ADCY9: variants seen among roughly 807,000 people sequenced by gnomAD.
ADCY9 encodes adenylate cyclase type 9.
Under a neutral mutation model 101.5 loss-of-function variants are expected in ADCY9, and 50 were observed. That is an observed-to-expected ratio of 0.49 (90% CI 0.39 to 0.62). The LOEUF (loss-of-function observed/expected upper bound fraction) is 0.62. Among genes scored for constraint, ADCY9 ranks in the 20% least tolerant of loss-of-function variants. The probability of loss-of-function intolerance (pLI) is 0.00; values close to 1 mark genes in which losing one functional copy is unlikely to be tolerated. For synonymous variants in ADCY9, 905 were observed against 769.3 expected (o/e 1.18, Z -2.92); for missense variants, 1,662 against 1,800.4 (o/e 0.92, Z 1.39).
intron 10 of ADCY9, among the ~76,000 whole-genome samples, chr16:3,969,595 TATATATATATATATGTA>T (rs1567414834): frequency 1.0e-5 from 1 of 95,902 alleles, no homozygotes; most frequent in African/African-American, 4.6e-5. Context: ...TATATATATA[TATATATATATATATGTA>T]TTTTTTTTTT....
At chr16:3,984,674 C>A (rs2056175336) in intron 6 of ADCY9, among the ~76,000 whole-genome samples, 1 of 152,200 alleles carries the variant, frequency 6.6e-6, no homozygotes, top group Admixed American at 6.5e-5. Flanking sequence ...GATCCAAAGG[C>A]AGAGGCTGTG....
intron 6 of ADCY9, among the ~76,000 whole-genome samples, chr16:3,986,289 G>T (rs2056192679): frequency 6.6e-6 from 1 of 152,290 alleles, no homozygotes; most frequent in African/African-American, 2.4e-5. Context: ...CCAAACGCGG[G>T]CCAGCTGGGA....
Position 4,115,502 on chromosome 16 carries a change from G to A in ADCY9, c.-43-17C>T, listed in dbSNP as rs368942880. The A allele has an allele frequency of 6.8e-7, 1 of 1,466,814 alleles. No homozygotes were observed. The highest frequency in any genetic ancestry group is 9.0e-7 in the Non-Finnish European group (1 of 1,110,894). The allele number at this position is 1,466,814 out of a possible 1,614,324, so 90.9% of individuals were successfully genotyped here. A position where few individuals can be genotyped will look rare whatever the true frequency, so the allele number is the denominator to read the frequency against. On this transcript the variant is annotated splice_polypyrimidine_tract_variant and intron_variant, in intron 1 of 10. Transcript: ENST00000294016. The surrounding 1 kb of genome is among the most constrained non-coding windows in gnomAD (Gnocchi z 6.2). ...CACCAGTACCTGCCAGCAAAACGGG[G>A]AGAGTTAGCGGCGCTCCCACCTAGG...
chr16:3,993,310 A>G (rs1297155641), intron 4 of ADCY9, 96 bp downstream of exon 4: 2 of 1,555,126 alleles, frequency 1.3e-6, no homozygotes, highest in Non-Finnish European at 1.8e-6. Context: ...AAGAGGAGTT[A>G]CTCTCAGAAC....
intron 2 of ADCY9, among the ~76,000 whole-genome samples, chr16:4,083,614 T>C (rs1362578159): frequency 6.6e-6 from 1 of 152,020 alleles, no homozygotes; most frequent in Non-Finnish European, 1.5e-5. Context: ...CAAATATCCA[T>C]CAACTGAGGA....
chr16:3,969,788 G>A (rs2056035530), intron 10 of ADCY9, among the ~76,000 whole-genome samples: 1 of 148,916 alleles, frequency 6.7e-6, no homozygotes, highest in African/African-American at 2.5e-5. Context: ...CTAATTTTTT[G>A]AACTTTTTGT....
chr16:3,988,265 C>T (rs903946526), intron 6 of ADCY9, among the ~76,000 whole-genome samples: 3 of 151,262 alleles, frequency 2.0e-5, no homozygotes, highest in Non-Finnish European at 2.9e-5. Flanking sequence ...GGGGTTAAGG[C>T]GGTGGGGGCG....
chr16:4,051,174 T>C (rs139133327), intron 2 of ADCY9, among the ~76,000 whole-genome samples: 3,240 of 149,966 alleles, frequency 0.022, 125 homozygotes, highest in African/African-American at 0.076. Flanking sequence ...GATCACGCCA[T>C]TGCACTCCAG....
intron 2 of ADCY9, among the ~76,000 whole-genome samples, chr16:4,090,061 C>T (rs187829123): frequency 6.6e-6 from 1 of 152,250 alleles, no homozygotes; most frequent in East Asian, 1.9e-4. Flanking sequence ...CCCAGCTGCC[C>T]TACAGGCCAT....
At chr16:4,108,265 C>T (rs1283530194) in intron 2 of ADCY9, among the ~76,000 whole-genome samples, 1 of 151,808 alleles carries the variant, frequency 6.6e-6, no homozygotes, top group Non-Finnish European at 1.5e-5. Flanking sequence ...TGCTTGTGGC[C>T]CAAGGCAGAA....
At chr16:4,061,291 T>G (rs577838548) in intron 2 of ADCY9, among the ~76,000 whole-genome samples, 1 of 151,954 alleles carries the variant, frequency 6.6e-6, no homozygotes, top group East Asian at 1.9e-4. Flanking sequence ...CAGAAAAAAT[T>G]TTTTGAAAAA....
intron 3 of ADCY9, among the ~76,000 whole-genome samples, chr16:4,002,494 G>A (rs746757402): frequency 4.7e-4 from 71 of 152,154 alleles, no homozygotes; most frequent in Non-Finnish European, 8.2e-4. Context: ...AATCATCCCC[G>A]TATGGGTAAA....
chr16:4,057,267 A>G (rs1403244996), intron 2 of ADCY9, among the ~76,000 whole-genome samples: 1 of 152,078 alleles, frequency 6.6e-6, no homozygotes, highest in Non-Finnish European at 1.5e-5. Flanking sequence ...CAGCTTCCTG[A>G]GTAGCTGGGA....
Position 3,966,590 on chromosome 16 carries a change from G to A in ADCY9, c.3247C>T (p.Arg1083Trp), listed in dbSNP as rs767432735. Residue 1083 changes from arginine (R) to tryptophan (W), a missense_variant, in exon 11 of 11, where the codon CGG becomes TGG. By Grantham distance (101) the Arg-to-Trp change is moderately radical. This residue lies in a region of ADCY9 where 220 missense variants were observed against 312.9 expected (regional missense o/e 0.70). Coordinates refer to ENST00000294016, the MANE Select transcript of ADCY9 (RefSeq NM_001116.4). ...ENYEGGKECY[R>W]VLNELIGDFD... ...TCCCCGATGAGCTCGTTGAGGACCC[G>A]GTAGCACTCCTTGCCGCCCTCGTAG... 2 of 1,614,152 alleles carry A rather than the reference G, an allele frequency of 1.2e-6. No individual in the cohort carries two copies. Among genetic ancestry groups the A allele is most frequent in the Admixed American group, 1.7e-5 (1 of 60,010 alleles).
rs1597168805 is a variant in ADCY9, at chr16:4,018,717, G to C, written c.1694-11159C>G. Among the ~76,000 whole-genome samples, 3 of 152,250 alleles carry C rather than the reference G, an allele frequency of 2.0e-5. No individual in the cohort carries two copies. In the South Asian group the frequency reaches 6.2e-4, roughly 32 times the overall value. On this transcript the variant is annotated intron_variant, in intron 2 of 10. Transcript: ENST00000294016. ...TTTCTAGTTTTCTCTCTTTTGAAGA[G>C]TATTTTGCACACTGGCTGGGGCAGA...
intron 10 of ADCY9, among the ~76,000 whole-genome samples, chr16:3,968,958 G>A (rs1229488321): frequency 6.6e-6 from 1 of 152,060 alleles, no homozygotes; most frequent in Admixed American, 6.6e-5. Context: ...CAATTCTCCT[G>A]CTTCAGCCTT....
intron 2 of ADCY9, among the ~76,000 whole-genome samples, chr16:4,086,738 C>T (rs1433478301): frequency 1.3e-5 from 2 of 152,110 alleles, no homozygotes; most frequent in Admixed American, 6.5e-5. Flanking sequence ...TGGCTCACTG[C>T]AACCTCTGCC....
chr16:4,039,421 G>A (rs1025094903), intron 2 of ADCY9, among the ~76,000 whole-genome samples: 2 of 152,094 alleles, frequency 1.3e-5, no homozygotes, highest in African/African-American at 4.8e-5. Flanking sequence ...GCTCACGCCT[G>A]TAATCCCAGC....
chr16:4,041,335 C>T (rs2056625061), intron 2 of ADCY9, among the ~76,000 whole-genome samples: 1 of 152,028 alleles, frequency 6.6e-6, no homozygotes, highest in African/African-American at 2.4e-5. Context: ...ACACCTCCGT[C>T]TCTACTAAAA....
Sources: allele counts gnomAD v4.1 joint callset (sites outside exome capture counted in the v4.1 genomes callset), GRCh38; gene constraint gnomAD v4.1.1; regional missense constraint gnomAD v4.1.1; non-coding constraint Gnocchi (gnomAD v3.1); transcripts MANE v1.5; gene names NCBI Gene and HGNC (gene_info 2026-07-23, HGNC 2026-07-21).